ADGRB3: variants seen among roughly 807,000 people sequenced by gnomAD.
ADGRB3 encodes brain-specific angiogenesis inhibitor 3.
A neutral mutation model predicts 193.4 loss-of-function variants in ADGRB3; 37 were observed. That is an observed-to-expected ratio of 0.19 (90% CI 0.15 to 0.25). The LOEUF is 0.25. Ranked by LOEUF, ADGRB3 falls within the 10% of genes least tolerant of loss-of-function variation. ADGRB3 has a pLI of 1.00. For missense variants in ADGRB3, 1,637 were observed against 1,852.9 expected (o/e 0.88, Z 2.14); for synonymous variants, 690 against 644.2 (o/e 1.07, Z -1.08).
chr6:68,777,913 C>T (rs1480939965), intron 3 of ADGRB3, among the ~76,000 whole-genome samples: 1 of 151,812 alleles, frequency 6.6e-6, no homozygotes, highest in African/African-American at 2.4e-5. Flanking sequence ...TGCAATCTTG[C>T]TAAGCAAGGA....
At chr6:68,861,258 T>C (rs1296417845) in intron 3 of ADGRB3, among the ~76,000 whole-genome samples, 1 of 152,092 alleles carries the variant, frequency 6.6e-6, no homozygotes, top group Non-Finnish European at 1.5e-5. Flanking sequence ...CAACCCAACT[T>C]CACTATTTAC....
intron 3 of ADGRB3, among the ~76,000 whole-genome samples, chr6:68,850,211 CTG>C (rs893787423): frequency 6.6e-6 from 1 of 151,632 alleles, no homozygotes; most frequent in African/African-American, 2.4e-5. Flanking sequence ...CTCGATTGCT[CTG>C]TGTTTTTTTT....
chr6:68,853,436 A>G (rs1203390065), intron 3 of ADGRB3, among the ~76,000 whole-genome samples: 3 of 152,068 alleles, frequency 2.0e-5, no homozygotes, highest in African/African-American at 4.8e-5. Context: ...TTCATCCTGT[A>G]GTGATTCTTA....
chr6:69,109,467 G>A (rs989163261), intron 17 of ADGRB3, among the ~76,000 whole-genome samples: 44 of 152,242 alleles, frequency 2.9e-4, no homozygotes, highest in Non-Finnish European at 5.6e-4. Flanking sequence ...AGTAAAAATA[G>A]CAATGATAAG....
At chr6:68,894,943 C>T (rs558379520) in intron 3 of ADGRB3, among the ~76,000 whole-genome samples, 1 of 151,760 alleles carries the variant, frequency 6.6e-6, no homozygotes, top group South Asian at 2.1e-4. Context: ...TAACTAACTG[C>T]ATGCTTTTGG....
chr6:68,786,407 G>T (rs1384554714), intron 3 of ADGRB3, among the ~76,000 whole-genome samples: 1 of 152,080 alleles, frequency 6.6e-6, no homozygotes, highest in African/African-American at 2.4e-5. Flanking sequence ...TTATTAAATA[G>T]GGAATCCTTT....
intron 3 of ADGRB3, among the ~76,000 whole-genome samples, chr6:68,889,812 T>C (rs993070933): frequency 1.3e-5 from 2 of 152,132 alleles, no homozygotes; most frequent in Admixed American, 1.3e-4. Context: ...TAAGTAAATA[T>C]TCTTAAACGA....
At chr6:68,862,142 C>T (rs977539047) in intron 3 of ADGRB3, among the ~76,000 whole-genome samples, 1 of 114,682 alleles carries the variant, frequency 8.7e-6, no homozygotes. Flanking sequence ...CCCCCCCCCC[C>T]ACCCCAATTC....
intron 30 of ADGRB3, among the ~76,000 whole-genome samples, chr6:69,378,735 C>G (rs969670417): frequency 6.6e-6 from 1 of 151,984 alleles, no homozygotes; most frequent in African/African-American, 2.4e-5. Context: ...ATACATTTCT[C>G]TAGATCCAAC....
At chr6:69,381,655 G>A (rs1414247472) in intron 30 of ADGRB3, among the ~76,000 whole-genome samples, 6 of 151,906 alleles carry the variant, frequency 3.9e-5, no homozygotes, top group African/African-American at 9.7e-5. Context: ...CTTCTCTGCA[G>A]TGTCTTTTAG....
chr6:68,915,895 A>T (rs1343857730), intron 3 of ADGRB3, among the ~76,000 whole-genome samples: 1 of 152,174 alleles, frequency 6.6e-6, no homozygotes, highest in Non-Finnish European at 1.5e-5. Flanking sequence ...AAGTTGTGGA[A>T]GGACTTTTAC....
intron 3 of ADGRB3, among the ~76,000 whole-genome samples, chr6:68,814,916 G>A (rs1245282398): frequency 2.0e-5 from 3 of 151,974 alleles, no homozygotes; most frequent in African/African-American, 7.3e-5. Context: ...TGCAGAAAAG[G>A]CCTTTGACAA....
intron 3 of ADGRB3, among the ~76,000 whole-genome samples, chr6:68,896,535 G>A (rs1582293766): frequency 6.6e-6 from 1 of 152,098 alleles, no homozygotes; most frequent in Admixed American, 6.6e-5. Context: ...TTGATTGACT[G>A]TAACTTTTCT....
At chr6:69,067,744 A>T (rs1771949304) in intron 16 of ADGRB3, among the ~76,000 whole-genome samples, 2 of 152,116 alleles carry the variant, frequency 1.3e-5, no homozygotes. Flanking sequence ...CTAGACAAGG[A>T]GATTAAAGGC....
chr6:68,803,024 T>C (rs1338147824), intron 3 of ADGRB3, among the ~76,000 whole-genome samples: 1 of 152,148 alleles, frequency 6.6e-6, no homozygotes, highest in Non-Finnish European at 1.5e-5. Context: ...ATGCTTTGTG[T>C]TTCTTGTTTT....
At chr6:68,880,608 G>C (rs568737064) in intron 3 of ADGRB3, among the ~76,000 whole-genome samples, 1 of 152,018 alleles carries the variant, frequency 6.6e-6, no homozygotes, top group African/African-American at 2.4e-5. Context: ...ATAACTTCTG[G>C]GTCAATGCTC....
At chr6:69,383,361 G>C (rs1172525375) in intron 31 of ADGRB3, among the ~76,000 whole-genome samples, 1 of 151,846 alleles carries the variant, frequency 6.6e-6, no homozygotes. Context: ...TTGTCTCCAG[G>C]AGATTTACTT....
At chr6:68,700,060 A>C (rs1333203492) in intron 3 of ADGRB3, among the ~76,000 whole-genome samples, 1 of 152,148 alleles carries the variant, frequency 6.6e-6, no homozygotes, top group Non-Finnish European at 1.5e-5. Context: ...CAGGGTCGAG[A>C]GGAGAAAAAG....
intron 13 of ADGRB3, among the ~76,000 whole-genome samples, chr6:69,036,907 G>C (rs1011423043): frequency 6.6e-6 from 1 of 152,162 alleles, no homozygotes; most frequent in Non-Finnish European, 1.5e-5. Flanking sequence ...GTAAGAAAAA[G>C]TCATAATCTG....
Sources: allele counts gnomAD v4.1 joint callset (sites outside exome capture counted in the v4.1 genomes callset), GRCh38; gene constraint gnomAD v4.1.1; transcripts MANE v1.5; gene names NCBI Gene and HGNC (gene_info 2026-07-23, HGNC 2026-07-21).